UBAP1: variants seen among roughly 807,000 people sequenced by gnomAD.
UBAP1 encodes ubiquitin-associated protein 1.
In UBAP1, 5 loss-of-function variants were observed where a neutral mutation model predicts 39.0. The ratio of observed to expected loss-of-function variants is 0.13; its 90% CI spans 0.07 to 0.27. The LOEUF is 0.27. Ranked by LOEUF, UBAP1 falls within the 10% of genes least tolerant of loss-of-function variation. UBAP1 has a pLI of 1.00. For synonymous variants in UBAP1, 211 were observed against 225.1 expected (o/e 0.94, Z 0.56); for missense variants, 490 against 608.1 (o/e 0.81, Z 2.04).
At chr9:34,208,184 T>A (rs981850070) in intron 1 of UBAP1, among the ~76,000 whole-genome samples, 1 of 152,240 alleles carries the variant, frequency 6.6e-6, no homozygotes, top group South Asian at 2.1e-4. Context: ...TGGACATGGT[T>A]TATTCCTAAA....
chr9:34,250,748 T>A lies in UBAP1; in HGVS notation c.1357T>A (p.Ser453Thr). Residue 453 changes from serine to threonine, a missense_variant, in exon 6 of 7, where the codon TCA becomes ACA. By Grantham distance (58) the Ser-to-Thr change is moderately conservative (BLOSUM62 1). Coordinates refer to ENST00000297661, the MANE Select transcript of UBAP1 (RefSeq NM_016525.5). The stretch of plus-strand genomic sequence containing the variant: ...AGAGGCTCTGGAAATGCACCAGTGT[T>A]CAGAAGAAAAGGTGGGAATCTTCAT... ...VEEALEMHQC[S>T]EEKMMEFLQL... 6.2e-7 allele frequency: 1 copy of A among 1,613,220 alleles called. No individual in the cohort carries two copies. The highest frequency in any genetic ancestry group is 8.5e-7 in the Non-Finnish European group (1 of 1,179,332).
rs1216113265 is a variant in UBAP1 at position 34,182,225 on chromosome 9, C to T, written c.-8+2985C>T. 8.1e-5 allele frequency among the ~76,000 whole-genome samples: 12 copies of T among 148,802 alleles called. 1 individual carries two copies. The Admixed American group carries it at 8.1e-4, about 10-fold the overall frequency. On this transcript the variant is annotated intron_variant, in intron 1 of 6. Coordinates refer to ENST00000297661, the MANE Select transcript of UBAP1 (RefSeq NM_016525.5). ...ATTGAGACTGAGTCTCGCACTGTTG[C>T]CCAGGCTGGAGTGCTGTGGCGTGAT...
chr9:34,204,170 T>C (rs1831551546), intron 1 of UBAP1, among the ~76,000 whole-genome samples: 2 of 152,052 alleles, frequency 1.3e-5, no homozygotes, highest in South Asian at 2.1e-4. Context: ...CTACTAAAAA[T>C]ACAAAAATTA....
At chr9:34,238,172 T>A (rs977166218) in intron 3 of UBAP1, among the ~76,000 whole-genome samples, 1 of 152,250 alleles carries the variant, frequency 6.6e-6, no homozygotes, top group Admixed American at 6.5e-5. Flanking sequence ...TTATCCACGT[T>A]GTATGAATGA....
intron 4 of UBAP1, among the ~76,000 whole-genome samples, chr9:34,243,585 G>A (rs1371466619): frequency 1.3e-5 from 2 of 151,422 alleles, no homozygotes; most frequent in South Asian, 2.1e-4. Flanking sequence ...TCCCAGGGTC[G>A]GGCGATTGTC....
At chr9:34,181,027 C>T (rs1276495360) in intron 1 of UBAP1, among the ~76,000 whole-genome samples, 1 of 150,968 alleles carries the variant, frequency 6.6e-6, no homozygotes, top group Non-Finnish European at 1.5e-5. Context: ...TCAGGCTGGT[C>T]TCGAACTTCT....
At position 34,234,285 on chromosome 9, in the gene UBAP1, G is replaced by T. The variant is rs1205697301; in HGVS notation, c.104G>T (p.Gly35Val). 1.2e-6 allele frequency: 2 copies of T among 1,613,260 alleles called. No homozygotes were observed. Among genetic ancestry groups the T allele is most frequent in the Non-Finnish European group, 8.5e-7 (1 of 1,179,854 alleles). ...GDKFKTPAKV[G>V]LPIGFSLPDC... ...AAATTCAAAACACCAGCTAAAGTTGGTCTACCTATTGGCTTCTCCTTGCCT... is the reference window on the plus strand; with the variant it reads ...AAATTCAAAACACCAGCTAAAGTTGTTCTACCTATTGGCTTCTCCTTGCCT... The change falls in exon 3 of 7, where the codon GGT becomes GTT. Residue 35 changes from glycine to valine, a missense_variant. Transcript: ENST00000297661.
chr9:34,221,057 C>A, intron 2 of UBAP1, 109 bp downstream of exon 2: 1 of 926,730 alleles, frequency 1.1e-6, no homozygotes, highest in Non-Finnish European at 1.7e-6. Context: ...TTTTAATGAA[C>A]AGCTTGACAA....
At chr9:34,225,597 G>A (rs1469001640) in intron 2 of UBAP1, among the ~76,000 whole-genome samples, 3 of 151,668 alleles carry the variant, frequency 2.0e-5, no homozygotes, top group Non-Finnish European at 4.4e-5. Context: ...CTAACATGGT[G>A]AAACCCTGTC....
At chr9:34,211,864 C>A in intron 1 of UBAP1, 1 of 206,882 alleles carries the variant, frequency 4.8e-6, no homozygotes. Flanking sequence ...ATGTCTTTAA[C>A]CAGTAATTCA....
At chr9:34,219,679 TC>T (rs1466065207) in intron 1 of UBAP1, among the ~76,000 whole-genome samples, 1 of 114,946 alleles carries the variant, frequency 8.7e-6, no homozygotes. Context: ...CTTGTCTCCC[TC>T]CCCTCCCCTC....
At chr9:34,182,661 T>TC (rs1830131486) in intron 1 of UBAP1, among the ~76,000 whole-genome samples, 2 of 57,982 alleles carry the variant, frequency 3.4e-5, no homozygotes, top group African/African-American at 8.3e-5. Context: ...CTTTCTTTCT[T>TC]TCTTTCTTTC....
chr9:34,191,634 G>C (rs1342643692), intron 1 of UBAP1: 1 of 154,160 alleles, frequency 6.5e-6, no homozygotes, highest in Non-Finnish European at 1.5e-5. Context: ...GCACACAACT[G>C]TTTTTAAATC....
Position 34,249,910 on chromosome 9 carries a change from G to C in UBAP1, c.1215G>C (p.Ser405=). Residue 405 remains serine, a synonymous_variant, in exon 5 of 7, where the codon TCG becomes TCC. Transcript: ENST00000297661. ...AGACGGTGGTCAACATGGGCTACTC[G>C]TACGAGTGTGTCCTCAGAGCCATGA... ...CVETVVNMGY[S]YECVLRAMKK... 1 of 1,613,346 alleles carries C rather than the reference G, an allele frequency of 6.2e-7. No homozygotes were observed. The highest frequency in any genetic ancestry group is 8.5e-7 in the Non-Finnish European group (1 of 1,179,770).
chr9:34,216,553 CGA>C (rs1832328494), intron 1 of UBAP1, among the ~76,000 whole-genome samples: 1 of 150,894 alleles, frequency 6.6e-6, no homozygotes, highest in African/African-American at 2.4e-5. Context: ...TGCAGTGGTG[CGA>C]TCATAGCTCA....
chr9:34,240,188 A>G (rs1283341834), intron 3 of UBAP1, among the ~76,000 whole-genome samples: 1 of 152,174 alleles, frequency 6.6e-6, no homozygotes, highest in African/African-American at 2.4e-5. Context: ...AAGCCCAGTG[A>G]TCCCCCCATA....
chr9:34,198,970 A>G lies in UBAP1; in HGVS notation c.-8+19730A>G, dbSNP rs554344747. 1.1e-3 allele frequency among the ~76,000 whole-genome samples: 167 copies of G among 152,350 alleles called. 1 individual carries two copies. The highest frequency in any genetic ancestry group is 4.0e-3 in the African/African-American group (166 of 41,588). On this transcript the variant is annotated intron_variant, in intron 1 of 6. Coordinates refer to ENST00000297661, the MANE Select transcript of UBAP1 (RefSeq NM_016525.5). Reference sequence around the variant, plus strand: ...TTAAGCCCTAGGCTCTGGAATTTTCACAAAGGTGTTCTTGTCTGTGGATAA... The same window carrying G: ...TTAAGCCCTAGGCTCTGGAATTTTCGCAAAGGTGTTCTTGTCTGTGGATAA...
At chr9:34,186,764 T>G (rs1372744578) in intron 1 of UBAP1, among the ~76,000 whole-genome samples, 1 of 152,138 alleles carries the variant, frequency 6.6e-6, no homozygotes, top group African/African-American at 2.4e-5. Flanking sequence ...AATTATTTGT[T>G]AATTTATAGG....
intron 3 of UBAP1, among the ~76,000 whole-genome samples, chr9:34,237,442 T>C (rs924530538): frequency 2.0e-5 from 3 of 152,230 alleles, no homozygotes; most frequent in African/African-American, 7.2e-5. Flanking sequence ...TTACTTTTTT[T>C]ATCTTCCAAA....
Sources: gnomAD v4.1 joint callset for allele counts (sites outside exome capture counted in the v4.1 genomes callset) on GRCh38, gnomAD v4.1.1 for gene constraint, MANE v1.5 for transcripts, NCBI Gene and HGNC (gene_info 2026-07-23, HGNC 2026-07-21) for gene names.